The following ELOC variants were observed in gnomAD, a reference collection of about 807,000 sequenced individuals.
ELOC encodes the protein elongin C.
For missense variants in ELOC, 38 were observed against 139.0 expected (o/e 0.27, Z 3.65); for synonymous variants, 40 against 51.3 (o/e 0.78, Z 0.94).
chr8:73,968,841 C>G (rs1047291813), intron 1 of ELOC, among the ~76,000 whole-genome samples: 2 of 152,210 alleles, frequency 1.3e-5, no homozygotes, highest in African/African-American at 4.8e-5. Context: ...TTCACTTGGT[C>G]ACATGGTCAA....
intron 3 of ELOC, among the ~76,000 whole-genome samples, chr8:73,954,578 G>A (rs1814016172): frequency 6.6e-6 from 1 of 151,788 alleles, no homozygotes; most frequent in Non-Finnish European, 1.5e-5. Flanking sequence ...CTTGAACCCG[G>A]GAGGCGAAGG....
chr8:73,962,854 C>T (rs1457782663), intron 1 of ELOC, among the ~76,000 whole-genome samples: 1 of 152,122 alleles, frequency 6.6e-6, no homozygotes, highest in Non-Finnish European at 1.5e-5. Context: ...GGAAAATCAA[C>T]ATTAAGAGTT....
intron 1 of ELOC, among the ~76,000 whole-genome samples, chr8:73,968,239 T>A (rs1008331441): frequency 1.3e-5 from 2 of 152,214 alleles, no homozygotes; most frequent in Admixed American, 1.3e-4. Context: ...TGGACTCAAT[T>A]ATGTCCAAAA....
intron 1 of ELOC, among the ~76,000 whole-genome samples, chr8:73,967,473 T>C (rs112493589): frequency 2.3e-4 from 34 of 146,178 alleles, no homozygotes; most frequent in East Asian, 5.8e-4. Flanking sequence ...CTTTTCTTTT[T>C]TTTTTTTTTT....
chr8:73,958,092 GTT>G (rs34797762), intron 2 of ELOC, among the ~76,000 whole-genome samples: 160 of 134,070 alleles, frequency 1.2e-3, no homozygotes, highest in East Asian at 4.1e-3. Context: ...TTTATTTATG[GTT>G]TTTTTTTTTT....
In ELOC at chr8:73,946,398, G is replaced by GCCC; in HGVS notation, c.*231_*232insGGG. On this transcript the variant is annotated 3_prime_UTR_variant, in exon 4 of 4. Coordinates refer to ENST00000520242, the MANE Select transcript of ELOC (RefSeq NM_005648.4). ...CAAAGGATAAGGCAAAACCACCTAC[G>GCCC]AATTGGCATATTTGTTTATTTCTCA... 2.5e-6 allele frequency: 1 copy of GCCC among 398,088 alleles called. No homozygotes were observed. Among genetic ancestry groups the GCCC allele is most frequent in the Non-Finnish European group, 4.5e-6 (1 of 223,420 alleles). 24.7% of individuals were successfully genotyped at this position (398,088 alleles called of 1,614,324 possible). A position where few individuals can be genotyped will look rare whatever the true frequency, so the allele number is the denominator to read the frequency against.
At chr8:73,971,066 G>GC (rs1815359597) in intron 1 of ELOC, among the ~76,000 whole-genome samples, 1 of 128,664 alleles carries the variant, frequency 7.8e-6, no homozygotes, top group South Asian at 2.6e-4. Flanking sequence ...AAGAAAAAAA[G>GC]CAAATATGGC....
intron 1 of ELOC, among the ~76,000 whole-genome samples, chr8:73,962,545 G>T (rs1563683122): frequency 1.3e-5 from 2 of 149,874 alleles, no homozygotes; most frequent in Non-Finnish European, 1.5e-5. Flanking sequence ...TCATTATACT[G>T]CTTTGTAAAT....
At chr8:73,948,551 CAG>C (rs1251858917) in intron 3 of ELOC, among the ~76,000 whole-genome samples, 3 of 152,138 alleles carry the variant, frequency 2.0e-5, no homozygotes, top group Non-Finnish European at 2.9e-5. Context: ...ACCTGGGTGA[CAG>C]AGCAAGACTC....
intron 1 of ELOC, among the ~76,000 whole-genome samples, chr8:73,968,139 G>GTATAGACCCGAATCCATCTCCACATCTC (rs1815114788): frequency 6.6e-6 from 1 of 151,990 alleles, no homozygotes. Context: ...CTCCACATCT[G>GTATAGACCCGAATCCATCTCCACATCTC]AATTTCTACT....
In ELOC at chr8:73,969,175, G is replaced by C. The variant is rs374523382; in HGVS notation, c.-51+2902C>G. Among the ~76,000 whole-genome samples the C allele has an allele frequency of 2.0e-5, 3 of 152,226 alleles. No homozygotes were observed. In the South Asian group the frequency reaches 6.2e-4, roughly 32 times the overall value. On this transcript the variant is annotated intron_variant, in intron 1 of 3. Transcript: ENST00000520242. ...AGGTGTCTACTAGTTATCGAACTCAGTAAGTCCCATATAGAACTTCTGATT... is the reference window on the plus strand; with the variant it reads ...AGGTGTCTACTAGTTATCGAACTCACTAAGTCCCATATAGAACTTCTGATT...
intron 2 of ELOC, among the ~76,000 whole-genome samples, chr8:73,957,653 C>A (rs542006751): frequency 3.4e-4 from 52 of 152,216 alleles, no homozygotes; most frequent in Non-Finnish European, 6.5e-4. Context: ...AGAAAACAAC[C>A]AGACAAATTA....
At chr8:73,965,707 T>A (rs1252855937) in intron 1 of ELOC, among the ~76,000 whole-genome samples, 2 of 152,110 alleles carry the variant, frequency 1.3e-5, no homozygotes, top group Non-Finnish European at 2.9e-5. Flanking sequence ...GCTAGAATTT[T>A]AAAAAAAGAT....
intron 1 of ELOC, chr8:73,970,736 T>C (rs905546613): frequency 6.6e-6 from 1 of 151,906 alleles, no homozygotes; most frequent in African/African-American, 2.4e-5. Context: ...AAAGCAAATA[T>C]GGAGCCAAGC....
At chr8:73,954,399 C>A (rs1813995657) in intron 3 of ELOC, among the ~76,000 whole-genome samples, 1 of 152,144 alleles carries the variant, frequency 6.6e-6, no homozygotes, top group Non-Finnish European at 1.5e-5. Flanking sequence ...TGGCTCACGC[C>A]TGTAATCCCA....
intron 3 of ELOC, among the ~76,000 whole-genome samples, chr8:73,951,647 C>CACAACAACAACA (rs71269967): frequency 0.013 from 1,976 of 149,906 alleles, 35 homozygotes; most frequent in African/African-American, 0.042. Flanking sequence ...CAAAAAACCC[C>CACAACAACAACA]ACAACAACAA....
chr8:73,959,545 CT>C (rs931745994), intron 2 of ELOC, among the ~76,000 whole-genome samples: 1 of 152,174 alleles, frequency 6.6e-6, no homozygotes, highest in African/African-American at 2.4e-5. Flanking sequence ...AATTTTTCAG[CT>C]CTATTATAAT....
At chr8:73,970,416 A>G (rs1310923465) in intron 1 of ELOC, among the ~76,000 whole-genome samples, 1 of 152,212 alleles carries the variant, frequency 6.6e-6, no homozygotes, top group African/African-American at 2.4e-5. Flanking sequence ...ACTAGTGCCT[A>G]TTATATTACA....
chr8:73,957,661 T>C (rs1451964391), intron 2 of ELOC, among the ~76,000 whole-genome samples: 1 of 152,096 alleles, frequency 6.6e-6, no homozygotes, highest in Non-Finnish European at 1.5e-5. Flanking sequence ...ACCAGACAAA[T>C]TAAAATTGAG....
Sources: gnomAD v4.1 joint callset for allele counts (sites outside exome capture counted in the v4.1 genomes callset) on GRCh38, gnomAD v4.1.1 for gene constraint, MANE v1.5 for transcripts, NCBI Gene and HGNC (gene_info 2026-07-23, HGNC 2026-07-21) for gene names.